Variants in DYNC1H1 observed in about 807,000 individuals in gnomAD.
DYNC1H1 encodes the protein cytoplasmic dynein 1 heavy chain 1.
In DYNC1H1, 51 loss-of-function variants were observed where a neutral mutation model predicts 527.1. The ratio of observed to expected loss-of-function variants is 0.10; its 90% CI spans 0.08 to 0.12. DYNC1H1 has a LOEUF of 0.12. DYNC1H1 is among the 10% of genes least tolerant of loss of function. The pLI is 1.00. For missense variants in DYNC1H1, 2,771 were observed against 5,971.8 expected (o/e 0.46, Z 17.66); for synonymous variants, 2,189 against 2,278.8 (o/e 0.96, Z 1.12).
At position 102,020,112 on chromosome 14, in the gene DYNC1H1, A is replaced by T; in HGVS notation, c.8507+56A>T. 1 of 1,596,450 alleles carries T rather than the reference A, an allele frequency of 6.3e-7. No individual in the cohort carries two copies. Among genetic ancestry groups the T allele is most frequent in the East Asian group, 2.3e-5 (1 of 44,256 alleles). On this transcript the variant is annotated intron_variant, in intron 42 of 77. Transcript: ENST00000360184. This position sits in a 1 kb window ranked among gnomAD's most constrained non-coding sequence, Gnocchi z 4.3. ...ATTCTCCCCTGCTCTGAGTTCTTAC[A>T]GCTGTCGAAGCTGGGGTCTTTGCAG...
At chr14:101,974,542 G>A (rs146512333) in intron 1 of DYNC1H1, among the ~76,000 whole-genome samples, 71 of 152,274 alleles carry the variant, frequency 4.7e-4, no homozygotes, top group African/African-American at 1.1e-3. Context: ...GAATGTTTAG[G>A]CATTGCATGG....
intron 10 of DYNC1H1, among the ~76,000 whole-genome samples, chr14:101,990,369 A>G (rs937778973): frequency 6.6e-6 from 1 of 152,174 alleles, no homozygotes; most frequent in Non-Finnish European, 1.5e-5. Context: ...ATGAAAGTTC[A>G]TTGAGTACCT....
In DYNC1H1 at chr14:101,985,735, G is replaced by A. The variant is rs2047929775; in HGVS notation, c.1510G>A (p.Asp504Asn). Residue 504 changes from aspartate to asparagine, a missense_variant, in exon 8 of 78, where the codon GAT (aspartate) becomes AAT (asparagine). Physicochemically the swap from Asp to Asn is conservative, Grantham distance 23. Transcript: ENST00000360184. This position sits in a 1 kb window ranked among gnomAD's most constrained non-coding sequence, Gnocchi z 5.9. ...QNQGEVPEPQ[D>N]MKVAEVLFDA... ...TCAAGGAGAGGTCCCTGAACCCCAAGATATGAAAGTGGCTGAGGTTCTCTT... is the reference window on the plus strand; with the variant it reads ...TCAAGGAGAGGTCCCTGAACCCCAAAATATGAAAGTGGCTGAGGTTCTCTT... The A allele has an allele frequency of 6.2e-7, 1 of 1,614,088 alleles. No homozygotes were observed. The highest frequency in any genetic ancestry group is 8.5e-7 in the Non-Finnish European group (1 of 1,180,050).
chr14:102,028,925 C>T (rs1171661420), intron 48 of DYNC1H1: 1 of 164,060 alleles, frequency 6.1e-6, no homozygotes, highest in Non-Finnish European at 1.3e-5. Flanking sequence ...AACCTCATTA[C>T]TGAAAAATGC....
At chr14:101,970,389 C>T (rs774618266) in intron 1 of DYNC1H1, among the ~76,000 whole-genome samples, 2 of 143,042 alleles carry the variant, frequency 1.4e-5, no homozygotes, top group Non-Finnish European at 1.5e-5. Context: ...AAAACTAAAG[C>T]GGGAAAAAAA....
At position 102,012,075 on chromosome 14, in the gene DYNC1H1, G is replaced by A. The variant is rs1255844981; in HGVS notation, c.6819G>A (p.Arg2273=). The change falls in exon 33 of 78, where the codon AGG becomes AGA. Residue 2273 remains arginine, a synonymous_variant. Coordinates refer to ENST00000360184, the MANE Select transcript of DYNC1H1 (RefSeq NM_001376.5). The surrounding 1 kb of genome is among the most constrained non-coding windows in gnomAD (Gnocchi z 4.9). ...ACGGAACCCTGGACCCCAACACCAG[G>A]GAATGGACAGATGGGCTCTTCACAC... The part of the protein sequence containing the change: ...HLYGTLDPNT[R]EWTDGLFTHV... 6.2e-7 allele frequency: 1 copy of A among 1,614,140 alleles called. No homozygotes were observed. Among genetic ancestry groups the A allele is most frequent in the Non-Finnish European group, 8.5e-7 (1 of 1,180,020 alleles).
intron 10 of DYNC1H1, 73 bp downstream of exon 10, chr14:101,988,925 G>T: frequency 6.3e-7 from 1 of 1,591,736 alleles, no homozygotes. Flanking sequence ...AACACCTATG[G>T]AAAGGTCACT....
chr14:102,046,041 A>C (rs905641688), intron 72 of DYNC1H1, among the ~76,000 whole-genome samples: 2 of 151,256 alleles, frequency 1.3e-5, no homozygotes, highest in Admixed American at 1.3e-4. Context: ...GGTGGCGGGC[A>C]CCTGTAGTCC....
intron 43 of DYNC1H1, chr14:102,023,807 A>C (rs1221446345): frequency 6.6e-6 from 1 of 152,286 alleles, no homozygotes; most frequent in Non-Finnish European, 1.5e-5. Context: ...ACGCCACTGC[A>C]CTCCAGCCTG....
At position 102,005,346 on chromosome 14, in the gene DYNC1H1, C is replaced by T; in HGVS notation, c.5433+110C>T. 1.4e-6 allele frequency: 2 copies of T among 1,414,440 alleles called. No homozygotes were observed. Among genetic ancestry groups the T allele is most frequent in the East Asian group, 4.5e-5 (2 of 43,966 alleles). 87.6% of individuals were successfully genotyped at this position (1,414,440 alleles called of 1,614,324 possible). On this transcript the variant is annotated intron_variant, in intron 26 of 77. Coordinates refer to ENST00000360184, the MANE Select transcript of DYNC1H1 (RefSeq NM_001376.5). The surrounding 1 kb of genome is among the most constrained non-coding windows in gnomAD (Gnocchi z 4.0). ...AGGTTTCAGGTAGTATCAAGGAGAA[C>T]AGTGGATGGTGTATGGATATCCTCT...
chr14:101,987,555 G>A lies in DYNC1H1; in HGVS notation c.2641G>A (p.Val881Ile). 2 of 1,614,164 alleles carry A rather than the reference G, an allele frequency of 1.2e-6. No homozygotes were observed. The highest frequency in any genetic ancestry group is 2.7e-5 in the African/African-American group (2 of 75,036). Reference protein sequence around the residue: ...HKTFSEILNRVQKAVDDLNLH... With the variant: ...HKTFSEILNRIQKAVDDLNLH... Reference sequence around the variant, plus strand: ...GACATTCTCGGAAATCTTGAACAGAGTCCAGAAAGCAGTGGATGACTTAAA... The same window carrying A: ...GACATTCTCGGAAATCTTGAACAGAATCCAGAAAGCAGTGGATGACTTAAA... The change falls in exon 9 of 78, where the codon GTC (valine) becomes ATC (isoleucine). Residue 881 changes from valine to isoleucine, a missense_variant. Around this residue, in one of 32 missense-constraint regions of DYNC1H1, gnomAD observed 179 missense variants for 349.4 expected, o/e 0.51. Coordinates refer to ENST00000360184, the MANE Select transcript of DYNC1H1 (RefSeq NM_001376.5).
chr14:102,035,260 G>A (rs1400339180), intron 56 of DYNC1H1: 1 of 152,338 alleles, frequency 6.6e-6, no homozygotes, highest in Non-Finnish European at 1.5e-5. Flanking sequence ...GATTGGCAGG[G>A]TTGTGTTTGG....
Position 102,029,706 on chromosome 14 carries a change from C to T in DYNC1H1, c.9636C>T (p.Val3212=), listed in dbSNP as rs2295445. 20 of 1,614,048 alleles carry T rather than the reference C, an allele frequency of 1.2e-5. No homozygotes were observed. Among genetic ancestry groups the T allele is most frequent in the Middle Eastern group, 1.6e-4 (1 of 6,084 alleles). The change falls in exon 49 of 78, where the codon GTC becomes GTT. Residue 3212 remains valine (V), a synonymous_variant. Transcript: ENST00000360184. The surrounding 1 kb of genome is among the most constrained non-coding windows in gnomAD (Gnocchi z 5.3). ...GGCTCAGGAAGATCAAAGAGACAGT[C>T]GACCAGGTGCGTCACAGGCACAAAT... ...NVGLRKIKET[V]DQVEELRRDL... is the part of the protein sequence containing the mutation.
chr14:101,975,837 A>C (rs769188474), intron 2 of DYNC1H1, 38 bp downstream of exon 2: 6 of 1,437,498 alleles, frequency 4.2e-6, no homozygotes, highest in African/African-American at 2.8e-5. Context: ...TCAGGTTATA[A>C]ATTTGTGAGA....
intron 69 of DYNC1H1, 121 bp from the exon 70 acceptor site, chr14:102,043,754 C>G: frequency 7.2e-7 from 1 of 1,389,516 alleles, no homozygotes; most frequent in South Asian, 1.2e-5. Context: ...TCATGTGAAT[C>G]TGCTGCCATC....
Position 101,986,553 on chromosome 14 carries a change from G to A in DYNC1H1, c.2328G>A (p.Pro776=), listed in dbSNP as rs144921184. Reference sequence around the variant, plus strand: ...CCCATCAAGCAAACCAGCTTTACCCGTTTGCCATCTCACTGATCGAGAGCG... The same window carrying A: ...CCCATCAAGCAAACCAGCTTTACCCATTTGCCATCTCACTGATCGAGAGCG... ...NKAHQANQLY[P]FAISLIESVR... is the part of the protein sequence containing the mutation. Residue 776 remains proline, a synonymous_variant, in exon 8 of 78, where the codon CCG becomes CCA. Transcript: ENST00000360184. The surrounding 1 kb of genome is among the most constrained non-coding windows in gnomAD (Gnocchi z 8.7). 46 of 1,614,002 alleles carry A rather than the reference G, an allele frequency of 2.9e-5. No homozygotes were observed. Among genetic ancestry groups the A allele is most frequent in the Middle Eastern group, 1.6e-4 (1 of 6,084 alleles).
In DYNC1H1 at chr14:101,986,086, G is replaced by A. The variant is rs755333803; in HGVS notation, c.1861G>A (p.Asp621Asn). The part of the protein sequence containing the change: ...RVKDDIESLH[D>N]KFKVQYPQSQ... ...GAAAGATGACATTGAGTCTCTTCAC[G>A]ACAAGTTCAAGGTCCAGTACCCACA... Residue 621 changes from aspartate to asparagine, a missense_variant, in exon 8 of 78, where the codon GAC becomes AAC. This residue lies in a region of DYNC1H1 where 264 missense variants were observed against 619.4 expected (regional missense o/e 0.43). Coordinates refer to ENST00000360184, the MANE Select transcript of DYNC1H1 (RefSeq NM_001376.5). The surrounding 1 kb of genome is among the most constrained non-coding windows in gnomAD (Gnocchi z 8.7). The A allele has an allele frequency of 4.0e-5, 64 of 1,614,090 alleles. No homozygotes were observed. Among genetic ancestry groups the A allele is most frequent in the South Asian group, 2.4e-4 (22 of 91,078 alleles).
chr14:102,007,208 G>A (rs754054615), intron 28 of DYNC1H1, 100 bp downstream of exon 28: 4 of 1,305,680 alleles, frequency 3.1e-6, no homozygotes, highest in Non-Finnish European at 4.3e-6. Flanking sequence ...TGGTCTTACA[G>A]CTCAGCGTGG....
At chr14:102,022,381 C>T (rs549470234) in intron 42 of DYNC1H1, among the ~76,000 whole-genome samples, 1 of 151,616 alleles carries the variant, frequency 6.6e-6, no homozygotes, top group South Asian at 2.1e-4. Flanking sequence ...TGGCGGGCGC[C>T]TGTAGTCCCA....
Sources: allele counts gnomAD v4.1 joint callset (sites outside exome capture counted in the v4.1 genomes callset), GRCh38; gene constraint gnomAD v4.1.1; regional missense constraint gnomAD v4.1.1; non-coding constraint Gnocchi (gnomAD v3.1); transcripts MANE v1.5; gene names NCBI Gene and HGNC (gene_info 2026-07-23, HGNC 2026-07-21).